FBN1: variants seen among roughly 807,000 people sequenced by gnomAD.
The protein encoded by FBN1 is fibrillin 1.
In FBN1, 29 loss-of-function variants were observed where a neutral mutation model predicts 365.1. That is an observed-to-expected ratio of 0.08 (90% confidence interval 0.06 to 0.11). The LOEUF (loss-of-function observed/expected upper bound fraction) is 0.11. Ranked by LOEUF, FBN1 falls within the 10% of genes least tolerant of loss-of-function variation. The pLI, the probability that FBN1 is intolerant of heterozygous loss-of-function variation, is 1.00. For missense variants in FBN1, 2,476 were observed against 3,703.2 expected, an observed-to-expected ratio of 0.67 and a Z score of 8.60; for synonymous variants, 1,210 against 1,270.5, an observed-to-expected ratio of 0.95 and a Z score of 1.01.
At chr15:48,613,506 T>A (rs1377162604) in intron 2 of FBN1, among the ~76,000 whole-genome samples, 3 of 152,036 alleles carry the variant, frequency 2.0e-5, no homozygotes, top group Admixed American at 2.0e-4. Flanking sequence ...ATATATATAT[T>A]TTCCTACGGC....
chr15:48,489,933 A>G lies in FBN1; in HGVS notation c.3000T>C (p.Asn1000=). The change falls in exon 25 of 66, where the codon AAT becomes AAC. Residue 1000 remains asparagine (N), a synonymous_variant. Transcript: ENST00000316623. ...TEECEECPMR[N]TPEYEELCPR... ...GACACAGCTCCTCGTACTCAGGAGT[A>G]TTTCTCATGGGACACTCCTCGCATT... 1 of 1,614,110 alleles carries G rather than the reference A, an allele frequency of 6.2e-7. No individual in the cohort carries two copies. The highest frequency in any genetic ancestry group is 8.5e-7 in the Non-Finnish European group (1 of 1,180,012).
intron 54 of FBN1, among the ~76,000 whole-genome samples, 171 bp from the exon 55 acceptor site, chr15:48,433,159 A>G (rs1204493119): frequency 1.3e-5 from 2 of 152,194 alleles, no homozygotes; most frequent in East Asian, 1.9e-4. Context: ...TGGGTTGATT[A>G]TTTTATATTT....
intron 5 of FBN1, 100 bp from the exon 6 acceptor site, chr15:48,596,478 G>T: frequency 8.9e-7 from 1 of 1,120,340 alleles, no homozygotes; most frequent in Non-Finnish European, 1.3e-6. Flanking sequence ...AATGTCTAAA[G>T]TCACCCTGGT....
rs780624885 is a variant in FBN1, at chr15:48,600,139, G to A, written c.442C>T (p.Pro148Ser). Residue 148 changes from proline to serine, a missense_variant and splice_region_variant, in exon 5 of 66, where the codon CCT becomes TCT. Physicochemically the swap from Pro to Ser is moderately conservative, Grantham distance 74. Around this residue, in one of 5 missense-constraint regions of FBN1, gnomAD observed 421 missense variants for 520.1 expected, o/e 0.81. Transcript: ENST00000316623. Reference sequence around the variant, plus strand: ...ATACTTATAACTACAGTGTACTTACGTTGTCCACAGTGAGTCCCTATGTAT... The same window carrying A: ...ATACTTATAACTACAGTGTACTTACATTGTCCACAGTGAGTCCCTATGTAT... ...KGYIGTHCGQ[P>S]VCESGCLNGG... The A allele has an allele frequency of 1.5e-5, 24 of 1,598,458 alleles. No homozygotes were observed. Among genetic ancestry groups the A allele is most frequent in the African/African-American group, 2.7e-5 (2 of 74,546 alleles).
At chr15:48,538,060 G>A (rs981042699) in intron 6 of FBN1, among the ~76,000 whole-genome samples, 3 of 152,166 alleles carry the variant, frequency 2.0e-5, no homozygotes, top group African/African-American at 4.8e-5. Context: ...AGGATCAGGC[G>A]AGCTAATGGA....
intron 2 of FBN1, among the ~76,000 whole-genome samples, chr15:48,624,760 T>C (rs1597640565): frequency 1.3e-5 from 2 of 152,346 alleles, no homozygotes; most frequent in East Asian, 3.9e-4. Context: ...CACACTGTAC[T>C]TTTCCAAAGG....
chr15:48,594,129 G>A (rs1338585531), intron 6 of FBN1, among the ~76,000 whole-genome samples: 1 of 152,178 alleles, frequency 6.6e-6, no homozygotes, highest in Non-Finnish European at 1.5e-5. Context: ...AAAGAGGTAA[G>A]CAGGTGACTT....
chr15:48,469,123 A>AAAATATAATATATATTACATATATATATC (rs1183650311), intron 36 of FBN1, among the ~76,000 whole-genome samples: 1 of 145,640 alleles, frequency 6.9e-6, no homozygotes, highest in Non-Finnish European at 1.5e-5. Context: ...ATATATATAT[A>AAAATATAATATATATTACATATATATATC]AAATATAATA....
intron 6 of FBN1, among the ~76,000 whole-genome samples, chr15:48,583,135 C>T (rs1243764946): frequency 2.0e-5 from 3 of 152,176 alleles, no homozygotes; most frequent in South Asian, 2.1e-4. Flanking sequence ...AGGCGGGATG[C>T]GTGTGTTTCA....
At chr15:48,488,601 G>T in intron 25 of FBN1, 108 bp from the exon 26 acceptor site, 1 of 1,272,502 alleles carries the variant, frequency 7.9e-7, no homozygotes, top group Non-Finnish European at 1.1e-6. Context: ...TTGATTTAAG[G>T]TCTTGGCAGT....
intron 2 of FBN1, among the ~76,000 whole-genome samples, chr15:48,638,088 G>A (rs1316844430): frequency 2.0e-5 from 3 of 150,664 alleles, no homozygotes; most frequent in Admixed American, 2.0e-4. Context: ...AGGCTAGAGT[G>A]CAGTGGCATG....
chr15:48,537,711 T>G lies in FBN1; in HGVS notation c.636A>C (p.Thr212=). 1 of 1,614,268 alleles carries G rather than the reference T, an allele frequency of 6.2e-7. No individual in the cohort carries two copies. The highest frequency in any genetic ancestry group is 8.5e-7 in the Non-Finnish European group (1 of 1,180,052). Residue 212 remains threonine, a synonymous_variant, in exon 7 of 66, where the codon ACA becomes ACC. Coordinates refer to ENST00000316623, the MANE Select transcript of FBN1 (RefSeq NM_000138.5). ...IVCTKTLCCA[T]VGRAWGHPCE... ...AGGGGTGGCCCCAGGCTCGGCCGAC[T>G]GTGGCACAGCAGAGCGTTTTTGTGC...
chr15:48,494,213 G>T lies in FBN1; in HGVS notation c.2719C>A (p.Gln907Lys). The T allele has an allele frequency of 6.2e-7, 1 of 1,612,066 alleles. No individual in the cohort carries two copies. Among genetic ancestry groups the T allele is most frequent in the Non-Finnish European group, 8.5e-7 (1 of 1,178,398 alleles). Residue 907 changes from glutamine (Q) to lysine (K), a missense_variant, in exon 23 of 66, where the codon CAA (glutamine) becomes AAA (lysine). Physicochemically the swap from Gln to Lys is moderately conservative, Grantham distance 53. Transcript: ENST00000316623. ...GKGYSRIKGT[Q>K]CEDIDECEVF... ...AAGTAATCAGAAATACCTTCACATT[G>T]TGTTCCTTTAATTCTTGAGTACCCT...
chr15:48,610,781 T>C lies in FBN1; in HGVS notation c.293A>G (p.Asn98Ser). 1.9e-6 allele frequency: 3 copies of C among 1,614,118 alleles called. No homozygotes were observed. The highest frequency in any genetic ancestry group is 2.5e-6 in the Non-Finnish European group (3 of 1,179,990). ...SCGDGFCSRP[N>S]MCTCPSGQIA... ...CTGACCAGATGGGCAAGTGCACATA[T>C]TTGGCCTCGAACAAAATCCATCCCC... Residue 98 changes from asparagine (N) to serine (S), a missense_variant, in exon 4 of 66, where the codon AAT becomes AGT. By Grantham distance (46) the Asn-to-Ser change is conservative. Around this residue, in one of 5 missense-constraint regions of FBN1, gnomAD observed 22 missense variants for 64.1 expected, o/e 0.34. Transcript: ENST00000316623.
intron 2 of FBN1, among the ~76,000 whole-genome samples, chr15:48,627,226 G>A (rs940468843): frequency 6.6e-6 from 1 of 152,176 alleles, no homozygotes; most frequent in Non-Finnish European, 1.5e-5. Context: ...AAATAAGACA[G>A]TGTTTTGGAA....
chr15:48,509,168 A>G (rs1179797508), intron 14 of FBN1, among the ~76,000 whole-genome samples: 1 of 152,174 alleles, frequency 6.6e-6, no homozygotes, highest in Non-Finnish European at 1.5e-5. Context: ...AAACCAGAAG[A>G]TAACTTGTAG....
chr15:48,559,714 A>G (rs2044209514), intron 6 of FBN1, among the ~76,000 whole-genome samples: 1 of 152,222 alleles, frequency 6.6e-6, no homozygotes. Context: ...TCACTCTGGC[A>G]TCGGAAAAGA....
At position 48,445,488 on chromosome 15, in the gene FBN1, T is replaced by G. The variant is rs755825254; in HGVS notation, c.5805A>C (p.Ala1935=). 3.0e-5 allele frequency: 49 copies of G among 1,612,636 alleles called. 1 individual carries two copies. The East Asian group carries it at 1.0e-3, about 35-fold the overall frequency. ...TTCTGCAAAGATTCCCATTTCCACT[T>G]GCACATTCATCAACATCTGCAGAAA... ...NNDCIDVDEC[A]SGNGNLCRNG... The change falls in exon 48 of 66, where the codon GCA becomes GCC. Residue 1935 remains alanine, a synonymous_variant. Transcript: ENST00000316623.
chr15:48,427,550 G>A lies in FBN1; in HGVS notation c.7204+17C>T. The A allele has an allele frequency of 6.2e-7, 1 of 1,607,810 alleles. No homozygotes were observed. The highest frequency in any genetic ancestry group is 8.5e-7 in the Non-Finnish European group (1 of 1,174,514). On this transcript the variant is annotated intron_variant, in intron 58 of 65. Coordinates refer to ENST00000316623, the MANE Select transcript of FBN1 (RefSeq NM_000138.5). The stretch of plus-strand genomic sequence containing the variant: ...AATAGATTCCCTGCAAGTATTTTTG[G>A]ACTATAAATGAAGTACCTGCTCCAT...
Sources: allele counts gnomAD v4.1 joint callset (sites outside exome capture counted in the v4.1 genomes callset), GRCh38; gene constraint gnomAD v4.1.1; regional missense constraint gnomAD v4.1.1; transcripts MANE v1.5; gene names NCBI Gene and HGNC (gene_info 2026-07-23, HGNC 2026-07-21).